KLF18: variants seen among roughly 807,000 people sequenced by gnomAD.
The protein encoded by KLF18 is Kruppel-like factor 18.
At chr1:44,138,520 T>C in intron 1 of KLF18, 144 bp downstream of exon 1, 1 of 394,246 alleles carries the variant, frequency 2.5e-6, no homozygotes, top group Non-Finnish European at 4.5e-6. Context: ...GACTGCTTTA[T>C]CTACCCTTCT....
Position 44,140,576 on chromosome 1 carries a change from G to T in KLF18, c.1056C>A (p.Thr352=), listed in dbSNP as rs898097298. Residue 352 remains threonine, a synonymous_variant, in exon 1 of 2, where the codon ACC becomes ACA. Transcript: ENST00000634670. ...CACAGAGGTTCTGGTTACCAGTGGAGGTCATCATCTGCCCCCAGTAGAGGG... is the reference window on the plus strand; with the variant it reads ...CACAGAGGTTCTGGTTACCAGTGGATGTCATCATCTGCCCCCAGTAGAGGG... ...NQTLYWGQMM[T]STGNQNLCGE... is the part of the protein sequence containing the mutation. 2 of 291,220 alleles carry T rather than the reference G, an allele frequency of 6.9e-6. No homozygotes were observed. The highest frequency in any genetic ancestry group is 7.2e-4 in the Middle Eastern group (1 of 1,396). 18.0% of individuals were successfully genotyped at this position (291,220 alleles called of 1,614,324 possible). A position where few individuals can be genotyped will look rare whatever the true frequency, so the allele number is the denominator to read the frequency against.
Position 44,141,175 on chromosome 1 carries a change from G to T in KLF18, c.457C>A (p.Pro153Thr). Residue 153 changes from proline (P) to threonine (T), a missense_variant, in exon 1 of 2, where the codon CCA becomes ACA. Pro to Thr is a conservative substitution (Grantham distance 38). Coordinates refer to ENST00000634670, the MANE Select transcript of KLF18 (RefSeq NM_001358438.1). ...ISNESSQLNTPSSDQTLNESQ... is the reference protein window; with the variant it reads ...ISNESSQLNTTSSDQTLNESQ... ...TCATTGAGGGTCTGGTCACTGCTTG[G>T]GGTGTTCAGCTGGCTACTTTCATTG... 1 of 398,554 alleles carries T rather than the reference G, an allele frequency of 2.5e-6. No individual in the cohort carries two copies. The highest frequency in any genetic ancestry group is 4.4e-6 in the Non-Finnish European group (1 of 226,060). The allele number at this position is 398,554 out of a possible 1,614,324, so 24.7% of individuals were successfully genotyped here.
rs1643216351 is a variant in KLF18 at position 44,139,811 on chromosome 1, A to G, written c.1821T>C (p.Gly607=). The part of the protein sequence containing the change: ...LCGEQVTTST[G]NQALYGGQMM... ...TCTGCCCCCCATAGAGGGCCTGGTT[A>G]CCAGTGGAGGTCGTCACCTGCTCCC... Residue 607 remains glycine, a synonymous_variant, in exon 1 of 2, where the codon GGT becomes GGC. Transcript: ENST00000634670. The G allele has an allele frequency of 1.6e-5, 6 of 377,214 alleles. No homozygotes were observed. The highest frequency in any genetic ancestry group is 2.8e-5 in the Non-Finnish European group (6 of 215,050). The allele number at this position is 377,214 out of a possible 1,614,324, so 23.4% of individuals were successfully genotyped here.
chr1:44,140,716 C>T lies in KLF18; in HGVS notation c.916G>A (p.Glu306Lys). The T allele has an allele frequency of 5.0e-6, 2 of 398,580 alleles. No individual in the cohort carries two copies. Among genetic ancestry groups the T allele is most frequent in the Non-Finnish European group, 8.8e-6 (2 of 226,138 alleles). 24.7% of individuals were successfully genotyped at this position (398,580 alleles called of 1,614,324 possible). Residue 306 changes from glutamate (E) to lysine (K), a missense_variant, in exon 1 of 2, where the codon GAG (glutamate) becomes AAG (lysine). Coordinates refer to ENST00000634670, the MANE Select transcript of KLF18 (RefSeq NM_001358438.1). Reference sequence around the variant, plus strand: ...TTACCAGTGGAGGTCATCACTTGCTCCCCACAGAGGGTCTGGTTACTAGTG... The same window carrying T: ...TTACCAGTGGAGGTCATCACTTGCTTCCCACAGAGGGTCTGGTTACTAGTG... ...TSTSNQTLCG[E>K]QVMTSTGNQA...
At position 44,141,498 on chromosome 1, in the gene KLF18, G is replaced by A. The variant is rs1038078826; in HGVS notation, c.134C>T (p.Ala45Val). 2 of 398,518 alleles carry A rather than the reference G, an allele frequency of 5.0e-6. No individual in the cohort carries two copies. The highest frequency in any genetic ancestry group is 4.1e-5 in the African/African-American group (2 of 48,610). The allele number at this position is 398,518 out of a possible 1,614,324, so 24.7% of individuals were successfully genotyped here. A position where few individuals can be genotyped will look rare whatever the true frequency, so the allele number is the denominator to read the frequency against. Reference protein sequence around the residue: ...PQNCMPLTAHAEESQHESTQS... With the variant: ...PQNCMPLTAHVEESQHESTQS... ...GGTTGACTCATGTTGGCTCTCCTCA[G>A]CATGGGCAGTCAGAGGCATACAGTT... Residue 45 changes from alanine (A) to valine (V), a missense_variant, in exon 1 of 2, where the codon GCT becomes GTT. Coordinates refer to ENST00000634670, the MANE Select transcript of KLF18 (RefSeq NM_001358438.1).
Position 44,140,310 on chromosome 1 carries a change from TG to T in KLF18, c.1321del (p.Gln441ArgfsTer8). On this transcript the variant is annotated frameshift_variant, in exon 1 of 2. Transcript: ENST00000634670. LOFTEE classifies it high-confidence loss of function. ...CATCACTTGCTCTCCACAGAGGTTC[TG>T]GTTACCAGTGGAGGTCGTCATCTGC... is the stretch of plus-strand genomic sequence containing the variant. Reference protein sequence around the residue: ...GGQMTTSTGNQNLCGEQVMTS... With the variant: ...GGQMTTSTGNXNLCGEQVMTS... The T allele has an allele frequency of 3.4e-6, 1 of 294,268 alleles. No individual in the cohort carries two copies. The highest frequency in any genetic ancestry group is 2.0e-4 in the South Asian group (1 of 5,076). The allele number at this position is 294,268 out of a possible 1,614,324, so 18.2% of individuals were successfully genotyped here.
rs2154312250 is a variant in KLF18 at position 44,140,261 on chromosome 1, G to T, written c.1371C>A (p.Leu457=). Reference sequence around the variant, plus strand: ...TGGAGGTCGTCGTCTGCTCTCCACAGAGGGTCTGGTTACTAGTGGAGGTCA... The same window carrying T: ...TGGAGGTCGTCGTCTGCTCTCCACATAGGGTCTGGTTACTAGTGGAGGTCA... ...QVMTSTSNQT[L]CGEQTTTSTS... Residue 457 remains leucine, a synonymous_variant, in exon 1 of 2, where the codon CTC becomes CTA. Transcript: ENST00000634670. 1.0e-5 allele frequency: 4 copies of T among 395,528 alleles called. No individual in the cohort carries two copies. In the East Asian group the frequency reaches 1.1e-4, roughly 11 times the overall value. The allele number at this position is 395,528 out of a possible 1,614,324, so 24.5% of individuals were successfully genotyped here. A position where few individuals can be genotyped will look rare whatever the true frequency, so the allele number is the denominator to read the frequency against.
At position 44,137,835 on chromosome 1, in the gene KLF18, G is replaced by A. The variant is rs571521967; in HGVS notation, c.3145C>T (p.Arg1049Cys). The A allele has an allele frequency of 1.7e-4, 67 of 398,600 alleles. No individual in the cohort carries two copies. The highest frequency in any genetic ancestry group is 1.2e-3 in the African/African-American group (59 of 48,742). The allele number at this position is 398,600 out of a possible 1,614,324, so 24.7% of individuals were successfully genotyped here. A position where few individuals can be genotyped will look rare whatever the true frequency, so the allele number is the denominator to read the frequency against. ...LKQHAKVHNI[R>C]PGL ...GGCTGAAGGGTTCATAATCCTGGGCGAATGTTGTGGACCTTTGCATGCTGC... is the reference window on the plus strand; with the variant it reads ...GGCTGAAGGGTTCATAATCCTGGGCAAATGTTGTGGACCTTTGCATGCTGC... Residue 1049 changes from arginine to cysteine, a missense_variant, in exon 2 of 2, where the codon CGC becomes TGC. Coordinates refer to ENST00000634670, the MANE Select transcript of KLF18 (RefSeq NM_001358438.1).
At position 44,139,930 on chromosome 1, in the gene KLF18, C is replaced by A. The variant is rs1484064733; in HGVS notation, c.1702G>T (p.Ala568Ser). Residue 568 changes from alanine to serine, a missense_variant, in exon 1 of 2, where the codon GCC becomes TCC. Physicochemically the swap from Ala to Ser is moderately conservative, Grantham distance 99 (BLOSUM62 1). Coordinates refer to ENST00000634670, the MANE Select transcript of KLF18 (RefSeq NM_001358438.1). ...GTCGTGATCTGCCCCCCGTAGAGGG[C>A]CTGGTTACCAGTGGAGGTCGTCACC... ...EQVTTSTGNQ[A>S]LYGGQITTST... 1 of 382,226 alleles carries A rather than the reference C, an allele frequency of 2.6e-6. No individual in the cohort carries two copies. Among genetic ancestry groups the A allele is most frequent in the African/African-American group, 2.2e-5 (1 of 44,730 alleles). 23.7% of individuals were successfully genotyped at this position (382,226 alleles called of 1,614,324 possible).
rs567818550 is a variant in KLF18, at chr1:44,138,687, C to T, written c.2945G>A (p.Arg982Gln). The change falls in exon 1 of 2, where the codon CGA (arginine) becomes CAA (glutamine). Residue 982 changes from arginine to glutamine, a missense_variant. Physicochemically the swap from Arg to Gln is conservative, Grantham distance 43. Transcript: ENST00000634670. Reference sequence around the variant, plus strand: ...ACCGGTGTGCTTGCGCATGTGGGTTCGGAGGTGGCAAGCCTTTGAATAAGA... The same window carrying T: ...ACCGGTGTGCTTGCGCATGTGGGTTTGGAGGTGGCAAGCCTTTGAATAAGA... ...KMSYSKACHL[R>Q]THMRKHTGEK... is the part of the protein sequence containing the mutation. 1.3e-5 allele frequency: 5 copies of T among 398,436 alleles called. No individual in the cohort carries two copies. Among genetic ancestry groups the T allele is most frequent in the African/African-American group, 2.1e-5 (1 of 48,618 alleles). 24.7% of individuals were successfully genotyped at this position (398,436 alleles called of 1,614,324 possible).
In KLF18 at chr1:44,139,285, G is replaced by C. The variant is rs1033715881; in HGVS notation, c.2347C>G (p.Gln783Glu). 2.6e-6 allele frequency: 1 copy of C among 385,582 alleles called. No individual in the cohort carries two copies. Among genetic ancestry groups the C allele is most frequent in the Non-Finnish European group, 4.6e-6 (1 of 219,730 alleles). 23.9% of individuals were successfully genotyped at this position (385,582 alleles called of 1,614,324 possible). ...TGGTTACTAGTGGGGGTCGTCATCT[G>C]CTCTCCACAGAGGGTCTGGTTACTA... is the stretch of plus-strand genomic sequence containing the variant. ...STSNQTLCGE[Q>E]MTTPTSNQTL... Residue 783 changes from glutamine (Q) to glutamate (E), a missense_variant, in exon 1 of 2, where the codon CAG (glutamine) becomes GAG (glutamate). Physicochemically the swap from Gln to Glu is conservative, Grantham distance 29. Transcript: ENST00000634670.
intron 1 of KLF18, 143 bp from the exon 2 acceptor site, chr1:44,138,154 G>C (rs1015579412): frequency 1.8e-5 from 7 of 396,814 alleles, no homozygotes; most frequent in Non-Finnish European, 3.1e-5. Context: ...GGAGGTGAGT[G>C]AAGGAGGAGG....
Position 44,139,236 on chromosome 1 carries a change from G to A in KLF18, c.2396C>T (p.Thr799Met), listed in dbSNP as rs1242588277. 4.1e-5 allele frequency: 16 copies of A among 388,500 alleles called. No individual in the cohort carries two copies. Among genetic ancestry groups the A allele is most frequent in the Admixed American group, 2.3e-4 (5 of 21,822 alleles). The allele number at this position is 388,500 out of a possible 1,614,324, so 24.1% of individuals were successfully genotyped here. ...SNQTLCGEQV[T>M]TSTGNQALYR... Reference sequence around the variant, plus strand: ...GAGGGCCTGGTTACCAGTGGAGGTCGTCACCTGCTCCCCACAGAGGGTCTG... The same window carrying A: ...GAGGGCCTGGTTACCAGTGGAGGTCATCACCTGCTCCCCACAGAGGGTCTG... The change falls in exon 1 of 2, where the codon ACG (threonine) becomes ATG (methionine). Residue 799 changes from threonine (T) to methionine (M), a missense_variant. Thr to Met is a moderately conservative substitution (Grantham distance 81, BLOSUM62 -1). Transcript: ENST00000634670.
In KLF18 at chr1:44,141,398, G is replaced by A. The variant is rs1415988664; in HGVS notation, c.234C>T (p.Leu78=). The change falls in exon 1 of 2, where the codon CTC becomes CTT. Residue 78 remains leucine, a synonymous_variant. Transcript: ENST00000634670. ...GAGGGTGCATTGTTAAGTCCTGGGT[G>A]AGAACTGTCCCAGGGATGTTAGTGC... ...SACTNIPGTV[L]TQDLTMHPLK... 15 of 398,422 alleles carry A rather than the reference G, an allele frequency of 3.8e-5. No homozygotes were observed. The highest frequency in any genetic ancestry group is 5.7e-5 in the Non-Finnish European group (13 of 226,106). The allele number at this position is 398,422 out of a possible 1,614,324, so 24.7% of individuals were successfully genotyped here.
chr1:44,137,949 G>A lies in KLF18; in HGVS notation c.3031C>T (p.Leu1011Phe). Reference sequence around the variant, plus strand: ...GTGTGCCTTTTCTTGTGTCTGTTGAGCTCATCTGAGCGGGCAAATTTCCAC... The same window carrying A: ...GTGTGCCTTTTCTTGTGTCTGTTGAACTCATCTGAGCGGGCAAATTTCCAC... ...CTWKFARSDELNRHKKRHTGE... is the reference protein window; with the variant it reads ...CTWKFARSDEFNRHKKRHTGE... The change falls in exon 2 of 2, where the codon CTC becomes TTC. Residue 1011 changes from leucine to phenylalanine, a missense_variant. By Grantham distance (22) the Leu-to-Phe change is conservative. Coordinates refer to ENST00000634670, the MANE Select transcript of KLF18 (RefSeq NM_001358438.1). 2.5e-6 allele frequency: 1 copy of A among 398,730 alleles called. No individual in the cohort carries two copies. The highest frequency in any genetic ancestry group is 4.4e-6 in the Non-Finnish European group (1 of 226,156). The allele number at this position is 398,730 out of a possible 1,614,324, so 24.7% of individuals were successfully genotyped here.
At position 44,141,026 on chromosome 1, in the gene KLF18, G is replaced by A. The variant is rs939078978; in HGVS notation, c.606C>T (p.Ser202=). The A allele has an allele frequency of 4.0e-5, 16 of 398,568 alleles. No individual in the cohort carries two copies. The highest frequency in any genetic ancestry group is 6.2e-4 in the Middle Eastern group (1 of 1,610). The allele number at this position is 398,568 out of a possible 1,614,324, so 24.7% of individuals were successfully genotyped here. A position where few individuals can be genotyped will look rare whatever the true frequency, so the allele number is the denominator to read the frequency against. Residue 202 remains serine (S), a synonymous_variant, in exon 1 of 2, where the codon TCC becomes TCT. Coordinates refer to ENST00000634670, the MANE Select transcript of KLF18 (RefSeq NM_001358438.1). ...CCCCAGAGAGGGTCTCATCGCTACC[G>A]GAAGTCACTGTATGACCATCAGTGA... ...QTLTDGHTVT[S]GSDETLSGGQ...
At position 44,141,178 on chromosome 1, in the gene KLF18, T is replaced by C; in HGVS notation, c.454A>G (p.Thr152Ala). The change falls in exon 1 of 2, where the codon ACC becomes GCC. Residue 152 changes from threonine (T) to alanine (A), a missense_variant. Coordinates refer to ENST00000634670, the MANE Select transcript of KLF18 (RefSeq NM_001358438.1). ...TISNESSQLN[T>A]PSSDQTLNES... The stretch of plus-strand genomic sequence containing the variant: ...TTGAGGGTCTGGTCACTGCTTGGGG[T>C]GTTCAGCTGGCTACTTTCATTGGAG... The C allele has an allele frequency of 2.5e-6, 1 of 398,468 alleles. No homozygotes were observed. Among genetic ancestry groups the C allele is most frequent in the East Asian group, 3.6e-5 (1 of 28,058 alleles). The allele number at this position is 398,468 out of a possible 1,614,324, so 24.7% of individuals were successfully genotyped here. A position where few individuals can be genotyped will look rare whatever the true frequency, so the allele number is the denominator to read the frequency against.
At position 44,141,059 on chromosome 1, in the gene KLF18, G is replaced by A. The variant is rs762829666; in HGVS notation, c.573C>T (p.Asp191=). The change falls in exon 1 of 2, where the codon GAC becomes GAT. Residue 191 remains aspartate (D), a synonymous_variant. Coordinates refer to ENST00000634670, the MANE Select transcript of KLF18 (RefSeq NM_001358438.1). Reference sequence around the variant, plus strand: ...CTGTATGACCATCAGTGAGGGTCTGGTCACTACTGAAGGTCACCTGGTCCC... The same window carrying A: ...CTGTATGACCATCAGTGAGGGTCTGATCACTACTGAAGGTCACCTGGTCCC... ...LCGDQVTFSS[D]QTLTDGHTVT... is the part of the protein sequence containing the mutation. 28 of 398,428 alleles carry A rather than the reference G, an allele frequency of 7.0e-5. No homozygotes were observed. Among genetic ancestry groups the A allele is most frequent in the Non-Finnish European group, 1.1e-4 (25 of 226,144 alleles). 24.7% of individuals were successfully genotyped at this position (398,428 alleles called of 1,614,324 possible).
Position 44,140,328 on chromosome 1 carries a change from G to C in KLF18, c.1304C>G (p.Thr435Arg). Residue 435 changes from threonine to arginine, a missense_variant, in exon 1 of 2, where the codon ACG becomes AGG. Transcript: ENST00000634670. ...GAGGTTCTGGTTACCAGTGGAGGTC[G>C]TCATCTGCCCTCCACAGAGGGCTTG... is the stretch of plus-strand genomic sequence containing the variant. ...GNQALCGGQM[T>R]TSTGNQNLCG... is the part of the protein sequence containing the mutation. 4.1e-4 allele frequency: 27 copies of C among 65,162 alleles called. 12 individuals carry two copies. Among genetic ancestry groups the C allele is most frequent in the Admixed American group, 7.1e-4 (2 of 2,832 alleles). The allele number at this position is 65,162 out of a possible 1,614,324, so 4.0% of individuals were successfully genotyped here. A position where few individuals can be genotyped will look rare whatever the true frequency, so the allele number is the denominator to read the frequency against.
Sources: allele counts gnomAD v4.1 joint callset, GRCh38; gene constraint gnomAD v4.1.1; transcripts MANE v1.5; gene names NCBI Gene and HGNC (gene_info 2026-07-23, HGNC 2026-07-21).